The following CCDC171 variants were observed in gnomAD, a reference collection of about 807,000 sequenced individuals.
The protein encoded by CCDC171 is coiled-coil domain-containing protein 171.
CCDC171 carries 177 observed loss-of-function variants against 168.2 expected under a neutral mutation model. The ratio of observed to expected loss-of-function variants is 1.05; its 90% confidence interval spans 0.93 to 1.19. The LOEUF is 1.19. Among genes scored for constraint, CCDC171 ranks in the 50% most tolerant of loss-of-function variants. CCDC171 has a pLI of 0.00. For missense variants in CCDC171, 1,991 were observed against 1,539.0 expected (o/e 1.29, Z -4.91); for synonymous variants, 687 against 540.8 (o/e 1.27, Z -3.75).
At chr9:15,554,550 G>T (rs2038626652) in intron 1 of CCDC171, among the ~76,000 whole-genome samples, 1 of 152,142 alleles carries the variant, frequency 6.6e-6, no homozygotes, top group Non-Finnish European at 1.5e-5. Context: ...TAGGCGTTAG[G>T]TTCTTTATCT....
intron 3 of CCDC171, among the ~76,000 whole-genome samples, chr9:16,009,761 G>A (rs1832811983): frequency 6.6e-6 from 1 of 152,052 alleles, no homozygotes; most frequent in Admixed American, 6.6e-5. Flanking sequence ...GAGTTATTTA[G>A]TCCAATATTA....
intron 11 of CCDC171, among the ~76,000 whole-genome samples, chr9:15,698,956 C>G (rs767549374): frequency 2.0e-5 from 3 of 152,238 alleles, no homozygotes; most frequent in Non-Finnish European, 2.9e-5. Flanking sequence ...GCAGGTATCC[C>G]TTTGATATAC....
chr9:15,639,702 A>G (rs2132494159), intron 7 of CCDC171, among the ~76,000 whole-genome samples: 1 of 152,228 alleles, frequency 6.6e-6, no homozygotes, highest in South Asian at 2.1e-4. Flanking sequence ...TGAATTTTCT[A>G]CCTTCAGAAC....
At chr9:16,002,317 G>A (rs1832573611) in intron 3 of CCDC171, among the ~76,000 whole-genome samples, 1 of 152,080 alleles carries the variant, frequency 6.6e-6, no homozygotes, top group Non-Finnish European at 1.5e-5. Context: ...TCCTATGAAA[G>A]TGGAAGACAG....
At chr9:15,981,301 ACACT>A (rs1284191967) in intron 3 of CCDC171, among the ~76,000 whole-genome samples, 1 of 152,134 alleles carries the variant, frequency 6.6e-6, no homozygotes, top group Non-Finnish European at 1.5e-5. Context: ...GAAAAAGAGA[ACACT>A]CACTCTTTCT....
chr9:15,982,994 C>G (rs1177983794), intron 3 of CCDC171, among the ~76,000 whole-genome samples: 1 of 152,142 alleles, frequency 6.6e-6, no homozygotes, highest in East Asian at 1.9e-4. Flanking sequence ...AAGGTCACTT[C>G]CTACAAATAA....
intron 23 of CCDC171, among the ~76,000 whole-genome samples, chr9:15,854,747 A>T (rs781014765): frequency 3.3e-5 from 5 of 151,630 alleles, no homozygotes; most frequent in Non-Finnish European, 7.4e-5. Flanking sequence ...TTTCTGTCTG[A>T]TGCAGCTTAA....
chr9:15,624,579 TG>T (rs1339795535), intron 7 of CCDC171, among the ~76,000 whole-genome samples: 2 of 152,180 alleles, frequency 1.3e-5, no homozygotes, highest in African/African-American at 4.8e-5. Context: ...TTTCTGTCCT[TG>T]CAATAGTTTG....
chr9:15,879,907 AG>A (rs1383306213), intron 24 of CCDC171, among the ~76,000 whole-genome samples: 2 of 152,184 alleles, frequency 1.3e-5, no homozygotes, highest in Non-Finnish European at 2.9e-5. Flanking sequence ...CCCCTGAAAA[AG>A]ATAAGATGGT....
At chr9:15,623,475 G>GCGCACGCGCGCGCTCACACACACACACA in intron 7 of CCDC171, 62 bp downstream of exon 7, 1 of 311,464 alleles carries the variant, frequency 3.2e-6, no homozygotes, top group East Asian at 8.1e-5. Flanking sequence ...GCGCGCGCGC[G>GCGCACGCGCGCGCTCACACACACACACA]CACACACACA....
intron 7 of CCDC171, 47 bp from the exon 8 acceptor site, chr9:15,657,080 C>G (rs1360499018): frequency 1.8e-6 from 2 of 1,116,676 alleles, no homozygotes; most frequent in Non-Finnish European, 2.6e-6. Flanking sequence ...TCCATATCTT[C>G]TTTAAATACC....
intron 21 of CCDC171, among the ~76,000 whole-genome samples, chr9:15,831,733 G>C (rs886999391): frequency 2.6e-5 from 4 of 152,024 alleles, no homozygotes; most frequent in Non-Finnish European, 5.9e-5. Context: ...ACTCCTGACA[G>C]ATCTTTGTAA....
rs1437588326 is a variant in CCDC171, at chr9:15,590,717, C to G, written c.353-649C>G. Among the ~76,000 whole-genome samples the G allele has an allele frequency of 3.9e-5, 6 of 152,086 alleles. No homozygotes were observed. The South Asian group carries it at 8.3e-4, about 21-fold the overall frequency. ...ATTTGTAATCTACTCTTTTTAAAAA[C>G]TTGCCCTATATATCACAGTCTTAAA... On this transcript the variant is annotated intron_variant, in intron 4 of 25. Transcript: ENST00000380701.
At chr9:16,067,115 C>T in the CCDC171 span, among the ~76,000 whole-genome samples, 2 of 151,934 alleles carry the variant, frequency 1.3e-5, no homozygotes, top group African/African-American at 4.8e-5. Flanking sequence ...ACATCCTCTC[C>T]AGCACCTGTT....
At chr9:15,896,463 C>G (rs1820914085) in intron 24 of CCDC171, among the ~76,000 whole-genome samples, 3 of 151,956 alleles carry the variant, frequency 2.0e-5, no homozygotes, top group Admixed American at 1.3e-4. Context: ...TAAGTCAAGT[C>G]CAGGGCCATT....
chr9:15,885,125 A>T (rs1819214157), intron 24 of CCDC171, among the ~76,000 whole-genome samples: 2 of 152,158 alleles, frequency 1.3e-5, no homozygotes, highest in Admixed American at 1.3e-4. Context: ...CCTTTTCATC[A>T]TTTAATTTTG....
intron 4 of CCDC171, among the ~76,000 whole-genome samples, chr9:15,582,961 T>G (rs1485372751): frequency 6.7e-6 from 1 of 148,608 alleles, no homozygotes; most frequent in Admixed American, 6.7e-5. Flanking sequence ...AAAGTAGAAC[T>G]ACCATTTGAT....
At chr9:15,768,861 C>G (rs2056868520) in intron 18 of CCDC171, among the ~76,000 whole-genome samples, 1 of 152,150 alleles carries the variant, frequency 6.6e-6, no homozygotes, top group African/African-American at 2.4e-5. Context: ...TGTCACCTAT[C>G]TTCATCCGCA....
intron 23 of CCDC171, among the ~76,000 whole-genome samples, chr9:15,862,306 T>C (rs1009950724): frequency 6.6e-6 from 1 of 151,622 alleles, no homozygotes; most frequent in Non-Finnish European, 1.5e-5. Context: ...TATCTTCAAG[T>C]TCACCAATTT....
Sources: allele counts gnomAD v4.1 joint callset (sites outside exome capture counted in the v4.1 genomes callset), GRCh38; gene constraint gnomAD v4.1.1; transcripts MANE v1.5; gene names NCBI Gene and HGNC (gene_info 2026-07-23, HGNC 2026-07-21).